Variants in TOPBP1 observed in about 807,000 individuals in gnomAD.
The protein encoded by TOPBP1 is DNA topoisomerase 2-binding protein 1.
Under a neutral mutation model 167.7 loss-of-function variants are expected in TOPBP1, and 28 were observed. That is an observed-to-expected ratio of 0.17 (90% CI 0.12 to 0.23). The LOEUF (loss-of-function observed/expected upper bound fraction) is 0.23, where lower values mean the gene tolerates loss of function less well. Ranked by LOEUF, TOPBP1 falls within the 10% of genes least tolerant of loss-of-function variation. The probability of loss-of-function intolerance (pLI) is 1.00; values close to 1 mark genes in which losing one functional copy is unlikely to be tolerated. For synonymous variants in TOPBP1, 598 were observed against 611.4 expected (o/e 0.98, Z 0.32); for missense variants, 1,554 against 1,809.6 (o/e 0.86, Z 2.56).
In TOPBP1 at chr3:133,608,899, G is replaced by A. The variant is rs775033720; in HGVS notation, c.4237C>T (p.Arg1413Cys). 1.1e-5 allele frequency: 18 copies of A among 1,613,168 alleles called. No individual in the cohort carries two copies. The highest frequency in any genetic ancestry group is 5.5e-5 in the South Asian group (5 of 90,852). ...TTTGCTCCTCCTGACTGAAGAAGGC[G>A]TTTGAAGCCTGCTTCTCGAGACTGA... ...VDQSREAGFK[R>C]LLQSGGAKVL... Residue 1413 changes from arginine (R) to cysteine (C), a missense_variant, in exon 26 of 28, where the codon CGC becomes TGC. Coordinates refer to ENST00000260810, the MANE Select transcript of TOPBP1 (RefSeq NM_007027.4).
intron 19 of TOPBP1, among the ~76,000 whole-genome samples, chr3:133,622,293 C>G (rs189869539): frequency 6.8e-6 from 1 of 148,136 alleles, no homozygotes; most frequent in Admixed American, 6.9e-5. Flanking sequence ...CGAGTTCAAG[C>G]GATTCTCCTG....
At chr3:133,627,886 A>C (rs1299157932) in intron 16 of TOPBP1, among the ~76,000 whole-genome samples, 1 of 152,104 alleles carries the variant, frequency 6.6e-6, no homozygotes, top group Non-Finnish European at 1.5e-5. Flanking sequence ...AAAAAAAAAA[A>C]AGATAATGAA....
At chr3:133,658,277 G>GTGTT (rs1413026485) in intron 3 of TOPBP1, among the ~76,000 whole-genome samples, 8 of 152,072 alleles carry the variant, frequency 5.3e-5, no homozygotes, top group Non-Finnish European at 1.0e-4. Context: ...GACCAGCCTG[G>GTGTT]CCAACATGGT....
intron 14 of TOPBP1, among the ~76,000 whole-genome samples, chr3:133,633,473 G>A (rs1269124721): frequency 2.6e-5 from 4 of 152,132 alleles, no homozygotes; most frequent in African/African-American, 9.7e-5. Context: ...CTCTAAAGGT[G>A]AGCACCTCAA....
At chr3:133,658,950 T>A in intron 3 of TOPBP1, 66 bp downstream of exon 3, 1 of 1,483,356 alleles carries the variant, frequency 6.7e-7, no homozygotes, top group Non-Finnish European at 9.0e-7. Flanking sequence ...AAAGAATGTA[T>A]GTCCATTAAA....
rs1322732959 is a variant in TOPBP1, at chr3:133,612,493, G to A, written c.3931C>T (p.His1311Tyr). The change falls in exon 24 of 28, where the codon CAT (histidine) becomes TAT (tyrosine). Residue 1311 changes from histidine (H) to tyrosine (Y), a missense_variant. This residue lies in a region of TOPBP1 where 351 missense variants were observed against 432.9 expected (regional missense o/e 0.81). Coordinates refer to ENST00000260810, the MANE Select transcript of TOPBP1 (RefSeq NM_007027.4). ...AAATACTTCTCGTTTCGAAGTGGATGTCCCACAACAATGTGTGTACAGGTG... is the reference window on the plus strand; with the variant it reads ...AAATACTTCTCGTTTCGAAGTGGATATCCCACAACAATGTGTGTACAGGTG... The part of the protein sequence containing the change: ...DPTCTHIVVG[H>Y]PLRNEKYLAS... The A allele has an allele frequency of 1.9e-6, 3 of 1,613,822 alleles. No individual in the cohort carries two copies. Among genetic ancestry groups the A allele is most frequent in the Non-Finnish European group, 2.5e-6 (3 of 1,179,858 alleles).
In TOPBP1 at chr3:133,637,910, T is replaced by C. The variant is rs777849753; in HGVS notation, c.2486A>G (p.Lys829Arg). The change falls in exon 14 of 28, where the codon AAG (lysine) becomes AGG (arginine). Residue 829 changes from lysine to arginine, a missense_variant. Around this residue, in one of 3 missense-constraint regions of TOPBP1, gnomAD observed 1,197 missense variants for 1,351.5 expected, o/e 0.89. Transcript: ENST00000260810. ...AAAGGAAGGCTTGAAGAGTTTGTCCTTGGACAGGAATTTTGATGGTGTATC... is the reference window on the plus strand; with the variant it reads ...AAAGGAAGGCTTGAAGAGTTTGTCCCTGGACAGGAATTTTGATGGTGTATC... Reference protein sequence around the residue: ...HLDTPSKFLSKDKLFKPSFDV... With the variant: ...HLDTPSKFLSRDKLFKPSFDV... 6.2e-7 allele frequency: 1 copy of C among 1,613,950 alleles called. No homozygotes were observed. Among genetic ancestry groups the C allele is most frequent in the Non-Finnish European group, 8.5e-7 (1 of 1,179,852 alleles).
intron 14 of TOPBP1, among the ~76,000 whole-genome samples, chr3:133,630,717 C>T (rs1389913686): frequency 1.3e-5 from 2 of 152,164 alleles, no homozygotes; most frequent in African/African-American, 4.8e-5. Flanking sequence ...CCCTTGTCAG[C>T]TGGGACTATA....
At chr3:133,625,770 CT>C (rs1447224975) in intron 16 of TOPBP1, among the ~76,000 whole-genome samples, 12 of 151,884 alleles carry the variant, frequency 7.9e-5, no homozygotes, top group Admixed American at 7.9e-4. Context: ...GTAAGAAGTA[CT>C]ATTGCCTCCT....
chr3:133,632,099 C>T (rs1456300945), intron 14 of TOPBP1, among the ~76,000 whole-genome samples: 2 of 151,972 alleles, frequency 1.3e-5, no homozygotes, highest in Non-Finnish European at 2.9e-5. Context: ...GGAACTGAGT[C>T]AATTAAACCT....
intron 7 of TOPBP1, 89 bp from the exon 8 acceptor site, chr3:133,652,718 G>C: frequency 8.9e-6 from 10 of 1,128,116 alleles, no homozygotes; most frequent in Non-Finnish European, 1.2e-5. Flanking sequence ...TACAAATATA[G>C]GGCAATAAAC....
At chr3:133,616,683 G>T in intron 23 of TOPBP1, 131 bp downstream of exon 23, 1 of 523,740 alleles carries the variant, frequency 1.9e-6, no homozygotes, top group Non-Finnish European at 3.3e-6. Flanking sequence ...TCAATGTATA[G>T]CCTTAGACAA....
rs1559834808 is a variant in TOPBP1, at chr3:133,657,095, TAC to T, written c.364-240_364-239del. On this transcript the variant is annotated intron_variant, in intron 4 of 27. Transcript: ENST00000260810. The stretch of plus-strand genomic sequence containing the variant: ...ACTCCATGAATGTATTAAACTATTA[TAC>T]AAAGGATGTATAAATCTTAATCTTT... 4.0e-5 allele frequency among the ~76,000 whole-genome samples: 6 copies of T among 151,802 alleles called. No homozygotes were observed. In the South Asian group the frequency reaches 1.0e-3, roughly 26 times the overall value.
chr3:133,632,696 A>C (rs1288945871), intron 14 of TOPBP1, among the ~76,000 whole-genome samples: 1 of 152,168 alleles, frequency 6.6e-6, no homozygotes, highest in Non-Finnish European at 1.5e-5. Context: ...TCTCAGACTC[A>C]AGCCTCCTGC....
chr3:133,613,917 T>C (rs1220996670), intron 23 of TOPBP1, among the ~76,000 whole-genome samples: 2 of 151,744 alleles, frequency 1.3e-5, no homozygotes, highest in Non-Finnish European at 2.9e-5. Context: ...CTCAGCCTTC[T>C]GAGTAGCTGG....
rs1274258858 is a variant in TOPBP1, at chr3:133,628,559, C to A, written c.2694+1G>T. The A allele has an allele frequency of 9.3e-6, 15 of 1,610,414 alleles. No individual in the cohort carries two copies. Among genetic ancestry groups the A allele is most frequent in the Non-Finnish European group, 1.3e-5 (15 of 1,178,348 alleles). The stretch of plus-strand genomic sequence containing the variant: ...CCTTTTAATAAGAGAACTAATCCTA[C>A]CTTCTCTGACTGGGCCTCTTTCAGT... On this transcript the variant is annotated splice_donor_variant, in intron 15 of 27. Coordinates refer to ENST00000260810, the MANE Select transcript of TOPBP1 (RefSeq NM_007027.4). LOFTEE classifies it high-confidence loss of function.
At chr3:133,646,000 A>T (rs1254562926) in intron 10 of TOPBP1, among the ~76,000 whole-genome samples, 1 of 151,980 alleles carries the variant, frequency 6.6e-6, no homozygotes, top group African/African-American at 2.4e-5. Context: ...TAGAAAAATT[A>T]GCTGGGCATG....
chr3:133,644,920 G>A (rs1936025819), intron 10 of TOPBP1, among the ~76,000 whole-genome samples: 1 of 152,194 alleles, frequency 6.6e-6, no homozygotes, highest in South Asian at 2.1e-4. Flanking sequence ...CTGTGACTAA[G>A]TGCTTTACAA....
At position 133,644,167 on chromosome 3, in the gene TOPBP1, A is replaced by G. The variant is rs1935995751; in HGVS notation, c.1701T>C (p.Asn567=). The G allele has an allele frequency of 6.2e-7, 1 of 1,613,740 alleles. No homozygotes were observed. The highest frequency in any genetic ancestry group is 8.5e-7 in the Non-Finnish European group (1 of 1,179,842). ...TTATGATGTTTGCGATGTTAGATTC[A>G]TTTTCATTACTAAAACCCAAAACAA... is the stretch of plus-strand genomic sequence containing the variant. ...SFLVLGFSNE[N]ESNIANIIKE... Residue 567 remains asparagine, a synonymous_variant, in exon 11 of 28, where the codon AAT becomes AAC. Transcript: ENST00000260810.
Sources: gnomAD v4.1 joint callset for allele counts (sites outside exome capture counted in the v4.1 genomes callset) on GRCh38, gnomAD v4.1.1 for gene constraint, gnomAD v4.1.1 regional missense constraint, MANE v1.5 for transcripts, NCBI Gene and HGNC (gene_info 2026-07-23, HGNC 2026-07-21) for gene names.